Variants in ASCC3 observed in about 807,000 individuals in gnomAD.
ASCC3 encodes activating signal cointegrator 1 complex subunit 3.
Under a neutral mutation model 256.3 loss-of-function variants are expected in ASCC3, and 158 were observed. The observed-to-expected ratio is 0.62, with a 90% CI of 0.54 to 0.70. The LOEUF is 0.70. Ranked by LOEUF, ASCC3 falls within the 30% of genes least tolerant of loss-of-function variation. The pLI is 0.00. For synonymous variants in ASCC3, 948 were observed against 883.4 expected (o/e 1.07, Z -1.30); for missense variants, 2,259 against 2,626.0 (o/e 0.86, Z 3.05).
chr6:100,719,474 C>A (rs984723598), intron 11 of ASCC3, among the ~76,000 whole-genome samples: 2 of 151,926 alleles, frequency 1.3e-5, no homozygotes, highest in Non-Finnish European at 2.9e-5. Flanking sequence ...ACAATAGTTA[C>A]AGAATATATT....
At chr6:100,610,950 ATTT>A (rs971640938) in intron 30 of ASCC3, among the ~76,000 whole-genome samples, 1 of 151,992 alleles carries the variant, frequency 6.6e-6, no homozygotes, top group East Asian at 1.9e-4. Context: ...AGTTTGAGAG[ATTT>A]TTTTTCACTT....
At position 100,638,612 on chromosome 6, in the gene ASCC3, G is replaced by C; in HGVS notation, c.4111C>G (p.Pro1371Ala). ...TTCTTTCAACAGACCTTTGAAGTAG[G>C]GTATTTGTTGAAGACTCTGAAAATG... ...LAIFRVFNKY[P>A]TSKAVYIAPL... The change falls in exon 25 of 42, where the codon CCT becomes GCT. Residue 1371 changes from proline to alanine, a missense_variant. Physicochemically the swap from Pro to Ala is conservative, Grantham distance 27 (BLOSUM62 -1). Coordinates refer to ENST00000369162, the MANE Select transcript of ASCC3 (RefSeq NM_006828.4). 1 of 1,608,890 alleles carries C rather than the reference G, an allele frequency of 6.2e-7. No individual in the cohort carries two copies. The highest frequency in any genetic ancestry group is 8.5e-7 in the Non-Finnish European group (1 of 1,175,400).
At chr6:100,654,251 G>C (rs1247616842) in intron 17 of ASCC3, among the ~76,000 whole-genome samples, 2 of 149,794 alleles carry the variant, frequency 1.3e-5, no homozygotes, top group African/African-American at 4.9e-5. Context: ...TAGTTCATAA[G>C]AGTTTTGTGG....
At chr6:100,744,691 CT>C (rs1780583492) in intron 10 of ASCC3, among the ~76,000 whole-genome samples, 1 of 151,894 alleles carries the variant, frequency 6.6e-6, no homozygotes, top group Admixed American at 6.6e-5. Flanking sequence ...GTGGTATGTA[CT>C]TTTAGGTAAT....
chr6:100,548,072 A>T (rs1332581536), intron 36 of ASCC3, among the ~76,000 whole-genome samples: 1 of 151,652 alleles, frequency 6.6e-6, no homozygotes, highest in African/African-American at 2.4e-5. Flanking sequence ...ATACACTAGG[A>T]TTTCATTTAT....
At chr6:100,716,101 GAATT>G (rs1055664590) in intron 12 of ASCC3, among the ~76,000 whole-genome samples, 2 of 151,682 alleles carry the variant, frequency 1.3e-5, no homozygotes, top group African/African-American at 4.8e-5. Context: ...TAAAATTTAT[GAATT>G]AAGAAAGGGT....
chr6:100,879,457 T>C (rs529406098), intron 1 of ASCC3, among the ~76,000 whole-genome samples: 2 of 152,284 alleles, frequency 1.3e-5, no homozygotes, highest in South Asian at 4.1e-4. Flanking sequence ...CTGAAGCTAC[T>C]AGGAGCAGCC....
At chr6:100,566,437 G>A (rs2114714885) in intron 36 of ASCC3, among the ~76,000 whole-genome samples, 1 of 152,226 alleles carries the variant, frequency 6.6e-6, no homozygotes, top group South Asian at 2.1e-4. Context: ...TGTATTAACG[G>A]CTTTTACCTA....
Position 100,628,000 on chromosome 6 carries a change from G to GA in ASCC3, c.4376-14dup, listed in dbSNP as rs1562179247. The stretch of plus-strand genomic sequence containing the variant: ...CCTCTTTCCTCCCCTAGAAAATAGG[G>GA]AAAAATCAATGTTAATCATTTAACA... On this transcript the variant is annotated splice_polypyrimidine_tract_variant and intron_variant, in intron 27 of 41. Coordinates refer to ENST00000369162, the MANE Select transcript of ASCC3 (RefSeq NM_006828.4). 4 of 1,606,318 alleles carry GA rather than the reference G, an allele frequency of 2.5e-6. No individual in the cohort carries two copies. The highest frequency in any genetic ancestry group is 3.4e-6 in the Non-Finnish European group (4 of 1,176,804).
chr6:100,652,688 G>T (rs1277122148), intron 18 of ASCC3, 37 bp downstream of exon 18: 3 of 1,577,262 alleles, frequency 1.9e-6, no homozygotes. Flanking sequence ...GAAAGTATTT[G>T]CATCTAAAAT....
chr6:100,644,845 G>A (rs1480436045), intron 22 of ASCC3, among the ~76,000 whole-genome samples: 1 of 152,176 alleles, frequency 6.6e-6, no homozygotes, highest in East Asian at 1.9e-4. Flanking sequence ...GTGGGGATGT[G>A]TTTCCCATGC....
intron 36 of ASCC3, among the ~76,000 whole-genome samples, chr6:100,579,525 G>T: frequency 6.6e-6 from 1 of 152,034 alleles, no homozygotes; most frequent in East Asian, 1.9e-4. Context: ...TTGTATACGG[G>T]TAAGGAAGGG....
intron 39 of ASCC3, among the ~76,000 whole-genome samples, chr6:100,514,288 A>G (rs1773915522): frequency 6.6e-6 from 1 of 152,144 alleles, no homozygotes; most frequent in Non-Finnish European, 1.5e-5. Flanking sequence ...CTAAGTATAG[A>G]AGCTGTACCA....
intron 8 of ASCC3, among the ~76,000 whole-genome samples, chr6:100,768,759 T>C (rs1162391084): frequency 1.3e-5 from 2 of 152,116 alleles, no homozygotes; most frequent in Non-Finnish European, 2.9e-5. Flanking sequence ...CTAATAATAG[T>C]AGAACACACA....
intron 13 of ASCC3, among the ~76,000 whole-genome samples, chr6:100,684,018 G>A (rs1777437576): frequency 6.6e-6 from 1 of 152,066 alleles, no homozygotes; most frequent in Non-Finnish European, 1.5e-5. Flanking sequence ...CAAAGAAAGT[G>A]TTCTTCACAT....
At chr6:100,648,670 T>G (rs1775507227) in intron 20 of ASCC3, among the ~76,000 whole-genome samples, 1 of 151,886 alleles carries the variant, frequency 6.6e-6, no homozygotes, top group Non-Finnish European at 1.5e-5. Flanking sequence ...TAAATAAAAT[T>G]TTGATTACTG....
At chr6:100,563,481 T>C (rs1770061161) in intron 36 of ASCC3, among the ~76,000 whole-genome samples, 1 of 152,150 alleles carries the variant, frequency 6.6e-6, no homozygotes, top group South Asian at 2.1e-4. Flanking sequence ...ATGTTTCCTT[T>C]TTATTTGGTT....
chr6:100,809,139 A>T (rs192904513), intron 4 of ASCC3, among the ~76,000 whole-genome samples: 1 of 151,976 alleles, frequency 6.6e-6, no homozygotes, highest in Admixed American at 6.6e-5. Flanking sequence ...CTTTATAAAC[A>T]CTATTCACTT....
intron 4 of ASCC3, among the ~76,000 whole-genome samples, chr6:100,846,356 A>T (rs1252828455): frequency 6.6e-6 from 1 of 152,224 alleles, no homozygotes; most frequent in African/African-American, 2.4e-5. Flanking sequence ...AAATTATGAC[A>T]ATGATTGTCC....
Sources: gnomAD v4.1 joint callset for allele counts (sites outside exome capture counted in the v4.1 genomes callset) on GRCh38, gnomAD v4.1.1 for gene constraint, MANE v1.5 for transcripts, NCBI Gene and HGNC (gene_info 2026-07-23, HGNC 2026-07-21) for gene names.